The following GCNT2 variants were observed in gnomAD, a reference collection of about 807,000 sequenced individuals.
The protein encoded by GCNT2 is glucosaminyl (N-acetyl) transferase 2 (I blood group), also known as N-acetyllactosaminide beta-1,6-N-acetylglucosaminyl-transferase.
In GCNT2, 34 loss-of-function variants were observed where a neutral mutation model predicts 34.2. The ratio of observed to expected loss-of-function variants is 1.00; its 90% CI spans 0.76 to 1.32. The LOEUF (loss-of-function observed/expected upper bound fraction) is 1.32. Ranked by LOEUF, GCNT2 falls within the 40% of genes most tolerant of loss-of-function variation. The probability of loss-of-function intolerance (pLI) is 0.00; values close to 1 mark genes in which losing one functional copy is unlikely to be tolerated. For synonymous variants in GCNT2, 212 were observed against 188.0 expected, an observed-to-expected ratio of 1.13 and a Z score of -1.04; for missense variants, 584 against 489.4, an observed-to-expected ratio of 1.19 and a Z score of -1.82.
At chr6:10,565,516 G>A (rs933037203) in intron 3 of GCNT2, among the ~76,000 whole-genome samples, 3 of 152,230 alleles carry the variant, frequency 2.0e-5, no homozygotes, top group South Asian at 2.1e-4. Flanking sequence ...TTAGCTCCCC[G>A]CAACCTTGGC....
intron 3 of GCNT2, among the ~76,000 whole-genome samples, chr6:10,570,069 T>C (rs892834930): frequency 3.5e-4 from 54 of 152,132 alleles, no homozygotes; most frequent in African/African-American, 1.2e-3. Flanking sequence ...ACCAGGCTCA[T>C]GCGTTCCTCC....
intron 3 of GCNT2, among the ~76,000 whole-genome samples, chr6:10,617,743 A>ATTTTT (rs1254996839): frequency 2.5e-4 from 28 of 112,762 alleles, no homozygotes; most frequent in African/African-American, 7.0e-4. Context: ...CAGAGTCTGC[A>ATTTTT]TTTCTTCTTT....
In GCNT2 at chr6:10,613,720, CGT is replaced by C. The variant is rs755121678; in HGVS notation, c.926-7619_926-7618del. ...TTATGAAACTTGTTTGCTTTATATA[CGT>C]GTGTGTGTGTGATGGTATACAGTGT... On this transcript the variant is annotated intron_variant, in intron 3 of 4. Transcript: ENST00000495262. 6.6e-4 allele frequency among the ~76,000 whole-genome samples: 101 copies of C among 151,920 alleles called. 1 individual carries two copies. The highest frequency in any genetic ancestry group is 2.4e-3 in the African/African-American group (98 of 41,444).
chr6:10,529,100 T>A lies in GCNT2; in HGVS notation c.189T>A (p.Asn63Lys), dbSNP rs1032067548. The A allele has an allele frequency of 1.2e-6, 2 of 1,613,992 alleles. No homozygotes were observed. The highest frequency in any genetic ancestry group is 2.7e-5 in the African/African-American group (2 of 74,904). ...FEGKVFYPTENALKTTLDEAT... is the reference protein window; with the variant it reads ...FEGKVFYPTEKALKTTLDEAT... ...GGAAAGTTTTTTACCCAACAGAAAA[T>A]GCATTGAAAACTACCCTTGATGAAG... The change falls in exon 3 of 5, where the codon AAT becomes AAA. Residue 63 changes from asparagine to lysine, a missense_variant. Physicochemically the swap from Asn to Lys is moderately conservative, Grantham distance 94. Coordinates refer to ENST00000495262, the MANE Select transcript of GCNT2 (RefSeq NM_145649.5).
intron 3 of GCNT2, among the ~76,000 whole-genome samples, chr6:10,541,441 C>T (rs1251494267): frequency 6.6e-6 from 1 of 152,104 alleles, no homozygotes; most frequent in Non-Finnish European, 1.5e-5. Context: ...GATTTCATGT[C>T]TTTGCTATTG....
chr6:10,552,730 A>G (rs1762535805), intron 3 of GCNT2, among the ~76,000 whole-genome samples: 1 of 152,176 alleles, frequency 6.6e-6, no homozygotes, highest in Non-Finnish European at 1.5e-5. Flanking sequence ...TGTACTTAAT[A>G]CGCTGTCCAA....
At chr6:10,578,458 T>C (rs984465974) in intron 3 of GCNT2, among the ~76,000 whole-genome samples, 1 of 144,440 alleles carries the variant, frequency 6.9e-6, no homozygotes, top group Non-Finnish European at 1.5e-5. Flanking sequence ...TTTTTTTTTT[T>C]TTTTTTTTGA....
intron 3 of GCNT2, chr6:10,573,222 C>A (rs1763634543): frequency 3.0e-6 from 3 of 984,678 alleles, no homozygotes; most frequent in African/African-American, 3.5e-5. Flanking sequence ...TTCTCAACTT[C>A]TTTTTCCTCG....
At chr6:10,585,931 C>T (rs1182338768) in intron 3 of GCNT2, 11 of 1,606,540 alleles carry the variant, frequency 6.8e-6, no homozygotes, top group Admixed American at 1.7e-5. Context: ...CAACCTCTCA[C>T]ACCGATCATT....
At position 10,556,795 on chromosome 6, in the gene GCNT2, T is replaced by C. The variant is rs202175806; in HGVS notation, c.925+26959T>C. On this transcript the variant is annotated intron_variant, in intron 3 of 4. Coordinates refer to ENST00000495262, the MANE Select transcript of GCNT2 (RefSeq NM_145649.5). ...ACATGCCCCAAAATATCTACTGTGTTCATGTGGATGAAAAAGCAACAACTG... is the reference window on the plus strand; with the variant it reads ...ACATGCCCCAAAATATCTACTGTGTCCATGTGGATGAAAAAGCAACAACTG... 9 of 1,614,064 alleles carry C rather than the reference T, an allele frequency of 5.6e-6. No individual in the cohort carries two copies. The African/African-American group carries it at 6.7e-5, about 12-fold the overall frequency.
At chr6:10,603,687 T>A (rs986230286) in intron 3 of GCNT2, among the ~76,000 whole-genome samples, 2 of 115,674 alleles carry the variant, frequency 1.7e-5, no homozygotes, top group Non-Finnish European at 4.3e-5. Context: ...AGCTAATTTT[T>A]GTATTTTAGT....
At chr6:10,590,922 C>T (rs1252020637) in intron 3 of GCNT2, among the ~76,000 whole-genome samples, 8 of 152,164 alleles carry the variant, frequency 5.3e-5, no homozygotes, top group Non-Finnish European at 8.8e-5. Context: ...GTGTTTGATG[C>T]CCTTCCTGTC....
At chr6:10,555,124 G>C (rs1419898550) in intron 3 of GCNT2, among the ~76,000 whole-genome samples, 1 of 152,156 alleles carries the variant, frequency 6.6e-6, no homozygotes, top group East Asian at 1.9e-4. Context: ...CATGGGGTGG[G>C]GTAGTGAACG....
Position 10,621,389 on chromosome 6 carries a change from A to G in GCNT2, c.964A>G (p.Asn322Asp). Residue 322 changes from asparagine (N) to aspartate (D), a missense_variant, in exon 4 of 5, where the codon AAC becomes GAC. Asn to Asp is a conservative substitution (Grantham distance 23, BLOSUM62 1). Coordinates refer to ENST00000495262, the MANE Select transcript of GCNT2 (RefSeq NM_145649.5). ...TATGCCAAATGCATCCTGGACTGGA[A>G]ACCTCAGAGCTATAAAGTGGAGTGA... is the stretch of plus-strand genomic sequence containing the variant. ...GSMPNASWTG[N>D]LRAIKWSDME... 1 of 1,613,802 alleles carries G rather than the reference A, an allele frequency of 6.2e-7. No individual in the cohort carries two copies. Among genetic ancestry groups the G allele is most frequent in the Non-Finnish European group, 8.5e-7 (1 of 1,179,678 alleles).
chr6:10,577,859 C>G lies in GCNT2; in HGVS notation c.926-43492C>G, dbSNP rs1763890266. The stretch of plus-strand genomic sequence containing the variant: ...CCCGGCCTATTGAATCCATTTAAAG[C>G]AAACGCCAGGTCATTGTTTTTGAAC... On this transcript the variant is annotated intron_variant, in intron 3 of 4. Transcript: ENST00000495262. 2.0e-5 allele frequency among the ~76,000 whole-genome samples: 3 copies of G among 151,914 alleles called. No homozygotes were observed. The South Asian group carries it at 6.2e-4, about 32-fold the overall frequency.
At position 10,529,496 on chromosome 6, in the gene GCNT2, T is replaced by C; in HGVS notation, c.585T>C (p.Phe195=). The change falls in exon 3 of 5, where the codon TTT becomes TTC. Residue 195 remains phenylalanine (F), a synonymous_variant. Transcript: ENST00000495262. ...KYVINTCGQD[F]PLKTNREIVQ... is the part of the protein sequence containing the mutation. Reference sequence around the variant, plus strand: ...TCATCAACACCTGCGGGCAAGACTTTCCCCTGAAAACCAACAGGGAAATAG... The same window carrying C: ...TCATCAACACCTGCGGGCAAGACTTCCCCCTGAAAACCAACAGGGAAATAG... 6.2e-7 allele frequency: 1 copy of C among 1,614,048 alleles called. No homozygotes were observed. Among genetic ancestry groups the C allele is most frequent in the Non-Finnish European group, 8.5e-7 (1 of 1,179,984 alleles).
intron 3 of GCNT2, among the ~76,000 whole-genome samples, chr6:10,585,585 G>C (rs1170196538): frequency 6.6e-6 from 1 of 152,178 alleles, no homozygotes; most frequent in Non-Finnish European, 1.5e-5. Flanking sequence ...ATTGATGGAA[G>C]GGAAAGGCGG....
At chr6:10,531,960 T>C (rs1761513809) in intron 3 of GCNT2, among the ~76,000 whole-genome samples, 1 of 151,656 alleles carries the variant, frequency 6.6e-6, no homozygotes, top group Non-Finnish European at 1.5e-5. Context: ...GATCGGTGTC[T>C]TTACCTAATT....
chr6:10,536,981 G>A (rs1433465673), intron 3 of GCNT2, among the ~76,000 whole-genome samples: 1 of 152,026 alleles, frequency 6.6e-6, no homozygotes, highest in Non-Finnish European at 1.5e-5. Flanking sequence ...GGCCAGGCTG[G>A]TCTCGAACTC....
Sources: allele counts gnomAD v4.1 joint callset (sites outside exome capture counted in the v4.1 genomes callset), GRCh38; gene constraint gnomAD v4.1.1; transcripts MANE v1.5; gene names NCBI Gene and HGNC (gene_info 2026-07-23, HGNC 2026-07-21).